EFHC2: variants seen among roughly 807,000 people sequenced by gnomAD.
EFHC2 encodes the protein EF-hand domain-containing family member C2.
In EFHC2, 18 loss-of-function variants were observed where a neutral mutation model predicts 52.7. The observed-to-expected ratio is 0.34, with a 90% CI of 0.24 to 0.51. EFHC2 has a LOEUF of 0.51. Ranked by LOEUF, EFHC2 falls within the 20% of genes least tolerant of loss-of-function variation. EFHC2 has a pLI of 0.97. For synonymous variants in EFHC2, 203 were observed against 204.1 expected (o/e 0.99, Z 0.04); for missense variants, 513 against 562.5 (o/e 0.91, Z 0.89).
At chrX:44,208,003 G>A (rs1223158235) in intron 11 of EFHC2, among the ~76,000 whole-genome samples, 1 of 112,277 alleles carries the variant, frequency 8.9e-6, no homozygotes, top group Non-Finnish European at 1.9e-5. Flanking sequence ...AACAGATGCT[G>A]GCAAGGATGC....
At chrX:44,249,935 A>G (rs1311129422) in intron 5 of EFHC2, among the ~76,000 whole-genome samples, 1 of 112,791 alleles carries the variant, frequency 8.9e-6, no homozygotes, top group East Asian at 2.8e-4. Context: ...TGTGAACTCA[A>G]TGATGAATAG....
chrX:44,311,796 G>A (rs962564210), intron 2 of EFHC2, among the ~76,000 whole-genome samples: 4 of 111,366 alleles, frequency 3.6e-5, no homozygotes, highest in East Asian at 2.8e-4. Context: ...TCATTACTAC[G>A]GTTTATTACT....
intron 7 of EFHC2, among the ~76,000 whole-genome samples, chrX:44,242,831 T>C (rs1337638394): frequency 9.0e-6 from 1 of 111,304 alleles, no homozygotes; most frequent in Non-Finnish European, 1.9e-5. Flanking sequence ...GTCATAGTAC[T>C]TCCCTATGTA....
intron 11 of EFHC2, among the ~76,000 whole-genome samples, chrX:44,206,416 A>G (rs2037049166): frequency 8.9e-6 from 1 of 111,883 alleles, no homozygotes; most frequent in African/African-American, 3.3e-5. Flanking sequence ...AAGGCAGTCA[A>G]ATCATCTCTG....
chrX:44,207,101 A>G (rs1345564547), intron 11 of EFHC2, among the ~76,000 whole-genome samples: 1 of 112,356 alleles, frequency 8.9e-6, no homozygotes, highest in Non-Finnish European at 1.9e-5. Flanking sequence ...AAAGCTGACA[A>G]AAATAAACAA....
At chrX:44,236,035 A>G (rs1249905902) in intron 8 of EFHC2, among the ~76,000 whole-genome samples, 1 of 109,840 alleles carries the variant, frequency 9.1e-6, no homozygotes, top group Non-Finnish European at 1.9e-5. Flanking sequence ...TTTTTTTTAA[A>G]TAGTGCTTAT....
At chrX:44,331,915 C>T (rs2038089070) in intron 1 of EFHC2, among the ~76,000 whole-genome samples, 1 of 110,507 alleles carries the variant, frequency 9.0e-6, no homozygotes, top group African/African-American at 3.3e-5. Flanking sequence ...CAGAGCAAGA[C>T]CCTATCTTAC....
chrX:44,187,929 C>G, intron 11 of EFHC2, among the ~76,000 whole-genome samples: 1 of 109,293 alleles, frequency 9.1e-6, no homozygotes, highest in East Asian at 2.9e-4. Flanking sequence ...AAAAGTGTTT[C>G]CTGTCAAACA....
intron 13 of EFHC2, among the ~76,000 whole-genome samples, chrX:44,168,161 TAA>T (rs768072345): frequency 1.9e-3 from 217 of 111,415 alleles, no homozygotes; most frequent in African/African-American, 6.5e-3. Context: ...CCTGGGAGAC[TAA>T]GTGACTGCAG....
intron 11 of EFHC2, among the ~76,000 whole-genome samples, chrX:44,197,130 C>G (rs1019825638): frequency 8.9e-6 from 1 of 111,908 alleles, no homozygotes; most frequent in Non-Finnish European, 1.9e-5. Context: ...ACATGGTAAG[C>G]AGCAAGCATA....
At chrX:44,174,609 T>C (rs1422711300) in intron 13 of EFHC2, among the ~76,000 whole-genome samples, 2 of 94,070 alleles carry the variant, frequency 2.1e-5, no homozygotes, top group Non-Finnish European at 4.1e-5. Flanking sequence ...TTGGGAGCTA[T>C]TGCCTACTGA....
intron 2 of EFHC2, among the ~76,000 whole-genome samples, chrX:44,281,214 C>T (rs1354419263): frequency 8.9e-6 from 1 of 112,577 alleles, no homozygotes; most frequent in Non-Finnish European, 1.9e-5. Context: ...GCCACCGGGC[C>T]TGGCCTAGAA....
intron 3 of EFHC2, among the ~76,000 whole-genome samples, chrX:44,262,346 A>T (rs762336119): frequency 9.3e-6 from 1 of 107,718 alleles, no homozygotes; most frequent in African/African-American, 3.4e-5. Flanking sequence ...GAAAAAAAAA[A>T]TTAATTAAAA....
chrX:44,236,422 C>T (rs2037320693), intron 8 of EFHC2, among the ~76,000 whole-genome samples: 1 of 112,278 alleles, frequency 8.9e-6, no homozygotes, highest in Non-Finnish European at 1.9e-5. Context: ...GGGAGGTACA[C>T]AGGAGAATAA....
At chrX:44,242,782 G>C (rs12012701) in intron 7 of EFHC2, among the ~76,000 whole-genome samples, 23,336 of 109,662 alleles carry the variant, frequency 0.21, 3,222 homozygotes, top group African/African-American at 0.49. Context: ...ACTGCACCCT[G>C]TATTTGAGTA....
intron 1 of EFHC2, among the ~76,000 whole-genome samples, chrX:44,327,645 T>G (rs917778486): frequency 7.2e-5 from 8 of 111,292 alleles, no homozygotes; most frequent in African/African-American, 2.6e-4. Flanking sequence ...AAAAAGTCAT[T>G]CAGCAGATAC....
At chrX:44,179,248 T>A (rs770012182) in intron 11 of EFHC2, among the ~76,000 whole-genome samples, 11 of 110,746 alleles carry the variant, frequency 9.9e-5, no homozygotes, top group Non-Finnish European at 1.9e-4. Context: ...TTGTTTTCAA[T>A]GTAACTCTGT....
intron 4 of EFHC2, among the ~76,000 whole-genome samples, chrX:44,259,814 C>T (rs5953370): frequency 1.1e-3 from 127 of 111,545 alleles, no homozygotes; most frequent in African/African-American, 3.9e-3. Flanking sequence ...CAAAAAAAAT[C>T]CCTTTGTACA....
At chrX:44,334,264 T>C (rs1271345842) in intron 1 of EFHC2, among the ~76,000 whole-genome samples, 4 of 112,103 alleles carry the variant, frequency 3.6e-5, no homozygotes, top group African/African-American at 9.7e-5. Context: ...GGAATAGCAA[T>C]GGAATATGTT....
Sources: gnomAD v4.1 joint callset for allele counts (sites outside exome capture counted in the v4.1 genomes callset) on GRCh38, gnomAD v4.1.1 for gene constraint, MANE v1.5 for transcripts, NCBI Gene and HGNC (gene_info 2026-07-23, HGNC 2026-07-21) for gene names.